The following MYO3B variants were observed in gnomAD, a reference collection of about 807,000 sequenced individuals.
MYO3B encodes the protein myosin IIIB, also known as myosin-IIIb.
MYO3B carries 156 observed loss-of-function variants against 174.6 expected under a neutral mutation model. The ratio of observed to expected loss-of-function variants is 0.89; its 90% CI spans 0.78 to 1.02. The LOEUF is 1.02. Among genes scored for constraint, MYO3B ranks in the 50% least tolerant of loss-of-function variants. MYO3B has a pLI of 0.00. For missense variants in MYO3B, 1,632 were observed against 1,639.4 expected (o/e 1.00, Z 0.08); for synonymous variants, 563 against 569.1 (o/e 0.99, Z 0.15).
chr2:170,391,726 T>C, intron 15 of MYO3B, 108 bp downstream of exon 15: 1 of 684,766 alleles, frequency 1.5e-6, no homozygotes. Context: ...TCACAGTCTA[T>C]TTAACTAAAG....
chr2:170,493,389 G>A (rs1686617996), intron 25 of MYO3B, among the ~76,000 whole-genome samples: 1 of 151,948 alleles, frequency 6.6e-6, no homozygotes, highest in Non-Finnish European at 1.5e-5. Flanking sequence ...AGTCTTGTCA[G>A]TTGTTTAAAA....
intron 25 of MYO3B, among the ~76,000 whole-genome samples, chr2:170,478,791 G>A (rs1685481818): frequency 6.8e-6 from 1 of 147,874 alleles, no homozygotes; most frequent in Non-Finnish European, 1.5e-5. Context: ...GGCTGATCTC[G>A]AACTCCTGAC....
chr2:170,501,964 T>A (rs7608168), intron 28 of MYO3B, 99 bp downstream of exon 28: 755,988 of 789,124 alleles, frequency 0.96, 364,615 homozygotes, highest in Non-Finnish European at 1. Context: ...TCAGGAGCAC[T>A]GGAATGAGTC....
intron 9 of MYO3B, among the ~76,000 whole-genome samples, chr2:170,370,900 C>CT (rs568658992): frequency 1.3e-3 from 187 of 149,020 alleles, no homozygotes; most frequent in African/African-American, 3.7e-3. Flanking sequence ...CTCTCTCTCT[C>CT]TTTTTTTTTC....
chr2:170,444,154 G>C (rs1559006928), intron 23 of MYO3B, 108 bp downstream of exon 23: 1 of 901,592 alleles, frequency 1.1e-6, no homozygotes, highest in Non-Finnish European at 1.8e-6. Context: ...CCCTCTGCCT[G>C]GGCAGTCTAG....
Position 170,654,312 on chromosome 2 carries a change from T to C in MYO3B, c.*1191T>C, listed in dbSNP as rs1192644681. ...ATTTCTCTAGAACAGATGTTCTTAA[T>C]ATTTTTCTTACTCTAAAATATGTGG... On this transcript the variant is annotated 3_prime_UTR_variant, in exon 35 of 35. Transcript: ENST00000408978. The C allele has an allele frequency of 1.3e-5, 2 of 152,158 alleles. No individual in the cohort carries two copies. The highest frequency in any genetic ancestry group is 2.9e-5 in the Non-Finnish European group (2 of 68,024). 9.4% of individuals were successfully genotyped at this position (152,158 alleles called of 1,614,324 possible).
At position 170,519,455 on chromosome 2, in the gene MYO3B, C is replaced by T; in HGVS notation, c.3490C>T (p.His1164Tyr). ...GDHKVLRGSV[H>Y]RRSHSQAESN... ...TCTCTCAGTTCTCAGGGGCTCTGTA[C>T]ATCGTAGGAGCCATTCACAAGCAGA... Residue 1164 changes from histidine (H) to tyrosine (Y), a missense_variant, in exon 30 of 35, where the codon CAT (histidine) becomes TAT (tyrosine). Transcript: ENST00000408978. The T allele has an allele frequency of 6.2e-7, 1 of 1,613,532 alleles. No homozygotes were observed. The highest frequency in any genetic ancestry group is 8.5e-7 in the Non-Finnish European group (1 of 1,179,706).
At chr2:170,228,519 G>T (rs2092977647) in intron 6 of MYO3B, among the ~76,000 whole-genome samples, 1 of 152,130 alleles carries the variant, frequency 6.6e-6, no homozygotes, top group South Asian at 2.1e-4. Flanking sequence ...GTAGATATTG[G>T]TCCTGAGTCT....
intron 32 of MYO3B, among the ~76,000 whole-genome samples, chr2:170,623,383 G>A (rs1414084543): frequency 3.3e-5 from 5 of 152,180 alleles, no homozygotes; most frequent in East Asian, 1.9e-4. Context: ...TTTGAAAAGT[G>A]TCTGTTCATA....
intron 28 of MYO3B, among the ~76,000 whole-genome samples, chr2:170,506,399 TG>T (rs1187157417): frequency 6.6e-6 from 1 of 152,236 alleles, no homozygotes; most frequent in Non-Finnish European, 1.5e-5. Flanking sequence ...AATGATTAGG[TG>T]GTTGTAATTT....
chr2:170,434,074 T>C (rs1300533304), intron 22 of MYO3B, among the ~76,000 whole-genome samples: 1 of 152,240 alleles, frequency 6.6e-6, no homozygotes, highest in Admixed American at 6.5e-5. Flanking sequence ...CTGTGTCATA[T>C]TTTGTGGCTA....
At chr2:170,636,362 GTGTTA>G (rs1697475644) in intron 32 of MYO3B, among the ~76,000 whole-genome samples, 1 of 150,870 alleles carries the variant, frequency 6.6e-6, no homozygotes, top group South Asian at 2.1e-4. Flanking sequence ...ATAACTGTTT[GTGTTA>G]TGTTATTGAA....
intron 3 of MYO3B, among the ~76,000 whole-genome samples, chr2:170,201,162 C>T (rs1480203027): frequency 4.6e-5 from 7 of 152,184 alleles, no homozygotes; most frequent in African/African-American, 1.7e-4. Context: ...TGAATGTGTG[C>T]ATCTGGGTGC....
intron 7 of MYO3B, among the ~76,000 whole-genome samples, chr2:170,250,765 C>T (rs935841723): frequency 3.9e-5 from 6 of 152,088 alleles, no homozygotes; most frequent in African/African-American, 1.2e-4. Flanking sequence ...AGGTGGCTCT[C>T]AGCAGGATGG....
At chr2:170,284,381 G>A (rs1549344) in intron 7 of MYO3B, among the ~76,000 whole-genome samples, 125,598 of 151,986 alleles carry the variant, frequency 0.83, 52,384 homozygotes, top group East Asian at 0.96. Context: ...AAAAGCAGCA[G>A]TCTCTCATGG....
intron 6 of MYO3B, among the ~76,000 whole-genome samples, chr2:170,222,880 G>T (rs1390595239): frequency 7.9e-5 from 12 of 152,020 alleles, no homozygotes; most frequent in African/African-American, 2.7e-4. Flanking sequence ...TTTAGAACCT[G>T]CAGGGCTGCA....
At chr2:170,365,471 T>C (rs1173391634) in intron 8 of MYO3B, among the ~76,000 whole-genome samples, 1 of 152,192 alleles carries the variant, frequency 6.6e-6, no homozygotes, top group Non-Finnish European at 1.5e-5. Flanking sequence ...CTAGTTCTAG[T>C]GCTGAGTAAT....
intron 32 of MYO3B, among the ~76,000 whole-genome samples, chr2:170,619,945 C>A (rs1392363217): frequency 6.6e-6 from 1 of 151,446 alleles, no homozygotes; most frequent in Non-Finnish European, 1.5e-5. Flanking sequence ...CAGGGTTTCA[C>A]CATGTTGGCC....
chr2:170,559,150 GCCAACCCAGAGCTAGAAC>G (rs1374975398), intron 32 of MYO3B, among the ~76,000 whole-genome samples: 21 of 152,190 alleles, frequency 1.4e-4, no homozygotes, highest in African/African-American at 4.8e-4. Context: ...ATATTAGTTG[GCCAACCCAGAGCTAGAAC>G]CCAACCCAGA....
Sources: gnomAD v4.1 joint callset for allele counts (sites outside exome capture counted in the v4.1 genomes callset) on GRCh38, gnomAD v4.1.1 for gene constraint, MANE v1.5 for transcripts, NCBI Gene and HGNC (gene_info 2026-07-23, HGNC 2026-07-21) for gene names.